Variants in GRM5 observed in about 807,000 individuals in gnomAD.
The protein encoded by GRM5 is metabotropic glutamate receptor 5.
A neutral mutation model predicts 83.1 loss-of-function variants in GRM5; 19 were observed. The ratio of observed to expected loss-of-function variants is 0.23; its 90% CI spans 0.16 to 0.34. The LOEUF (loss-of-function observed/expected upper bound fraction) is 0.34, where lower values mean the gene tolerates loss of function less well. GRM5 is among the 10% of genes least tolerant of loss of function. The pLI, the probability that GRM5 is intolerant of heterozygous loss-of-function variation, is 1.00. For missense variants in GRM5, 1,160 were observed against 1,588.3 expected, an observed-to-expected ratio of 0.73 and a Z score of 4.58; for synonymous variants, 675 against 633.6, an observed-to-expected ratio of 1.07 and a Z score of -0.98.
At chr11:88,811,276 G>T (rs980065556) in intron 3 of GRM5, among the ~76,000 whole-genome samples, 1 of 151,992 alleles carries the variant, frequency 6.6e-6, no homozygotes, top group African/African-American at 2.4e-5. Flanking sequence ...AACACATTTT[G>T]ATAGACTTTG....
chr11:88,625,370 C>T (rs183995781), intron 4 of GRM5, among the ~76,000 whole-genome samples: 3 of 152,252 alleles, frequency 2.0e-5, no homozygotes, highest in East Asian at 3.9e-4. Context: ...AGTACCTCTG[C>T]ACTCTATCAC....
At chr11:88,652,560 C>T (rs1939659890) in intron 4 of GRM5, among the ~76,000 whole-genome samples, 1 of 152,074 alleles carries the variant, frequency 6.6e-6, no homozygotes, top group Admixed American at 6.6e-5. Flanking sequence ...CTAGCTTTCT[C>T]CATCTTGGTA....
chr11:89,020,632 A>G (rs1293213886), intron 2 of GRM5, among the ~76,000 whole-genome samples: 4 of 152,262 alleles, frequency 2.6e-5, no homozygotes, highest in African/African-American at 4.8e-5. Flanking sequence ...TACATGTCCT[A>G]GACACAGAAC....
intron 4 of GRM5, among the ~76,000 whole-genome samples, chr11:88,620,546 A>ATGT (rs1938605398): frequency 6.6e-6 from 1 of 152,208 alleles, no homozygotes. Context: ...AGAGAAATGA[A>ATGT]TGTTGTAATG....
chr11:88,581,161 C>G (rs1943207239), intron 7 of GRM5, among the ~76,000 whole-genome samples: 1 of 152,074 alleles, frequency 6.6e-6, no homozygotes, highest in Non-Finnish European at 1.5e-5. Flanking sequence ...CAGGTTAAAA[C>G]TTTCCCCAAA....
intron 3 of GRM5, among the ~76,000 whole-genome samples, chr11:88,803,754 C>A (rs549871131): frequency 6.6e-6 from 1 of 151,784 alleles, no homozygotes; most frequent in Admixed American, 6.6e-5. Context: ...AGGCAACCTA[C>A]AAAATGGGAG....
chr11:88,977,412 A>T (rs1262661357), intron 2 of GRM5, among the ~76,000 whole-genome samples: 2 of 151,836 alleles, frequency 1.3e-5, no homozygotes, highest in Admixed American at 1.3e-4. Flanking sequence ...GGGGTTTCAC[A>T]GTGCTAGCCA....
chr11:89,018,867 A>G (rs1489634753), intron 2 of GRM5, among the ~76,000 whole-genome samples: 1 of 152,230 alleles, frequency 6.6e-6, no homozygotes, highest in South Asian at 2.1e-4. Flanking sequence ...GAAAGTCCCT[A>G]TATACTGCAT....
rs375051761 is a variant in GRM5, at chr11:88,821,344, C to CAAAAAAAAAAAA, written c.911+28550_911+28561dup. Among the ~76,000 whole-genome samples, 5 of 68,170 alleles carry CAAAAAAAAAAAA rather than the reference C, an allele frequency of 7.3e-5. No homozygotes were observed. In the East Asian group the frequency reaches 1.1e-3, roughly 15 times the overall value. 44.7% of individuals were successfully genotyped at this position (68,170 alleles called of 152,430 possible). A position where few individuals can be genotyped will look rare whatever the true frequency, so the allele number is the denominator to read the frequency against. ...ATCTTTGAACACTTGCTTGAGGGGCCAAAAAAAAAAAAAAAAAAGAAAAAA... is the reference window on the plus strand; with the variant it reads ...ATCTTTGAACACTTGCTTGAGGGGCCAAAAAAAAAAAAAAAAAAAAAAAAAAAAAAGAAAAAA... On this transcript the variant is annotated intron_variant, in intron 3 of 9. Coordinates refer to ENST00000305447, the MANE Select transcript of GRM5 (RefSeq NM_001143831.3).
intron 8 of GRM5, among the ~76,000 whole-genome samples, chr11:88,558,799 C>CAAAA (rs71265014): frequency 4.6e-5 from 1 of 21,904 alleles, no homozygotes; most frequent in African/African-American, 1.3e-4. Flanking sequence ...GACTCCATCT[C>CAAAA]AAAAAAAAAA....
intron 2 of GRM5, among the ~76,000 whole-genome samples, chr11:88,986,179 T>C (rs663903): frequency 0.44 from 66,317 of 151,996 alleles, 16,007 homozygotes; most frequent in South Asian, 0.65. Context: ...AAGAACAACC[T>C]ATTGATACTA....
At position 88,582,667 on chromosome 11, in the gene GRM5, TAAAC is replaced by T. The variant is rs960984975; in HGVS notation, c.1690+7930_1690+7933del. ...ATCAGAAATTTCCTCTAAAGAATCA[TAAAC>T]AAATAATATTTAATAGATGCCAAGA... On this transcript the variant is annotated intron_variant, in intron 7 of 9. Coordinates refer to ENST00000305447, the MANE Select transcript of GRM5 (RefSeq NM_001143831.3). Among the ~76,000 whole-genome samples, 16 of 152,290 alleles carry T rather than the reference TAAAC, an allele frequency of 1.1e-4. 1 individual carries two copies. Among genetic ancestry groups the T allele is most frequent in the Middle Eastern group, 6.8e-3 (2 of 294 alleles).
At chr11:88,985,572 T>C (rs1002437790) in intron 2 of GRM5, among the ~76,000 whole-genome samples, 5 of 152,142 alleles carry the variant, frequency 3.3e-5, no homozygotes, top group Admixed American at 6.5e-5. Context: ...TTAATTAAAA[T>C]GAAGTCCTAA....
intron 4 of GRM5, among the ~76,000 whole-genome samples, chr11:88,625,663 C>A (rs921761096): frequency 4.1e-4 from 63 of 152,242 alleles, no homozygotes; most frequent in Non-Finnish European, 8.8e-4. Context: ...GAAGAACTAC[C>A]TGTTGGCTAC....
At chr11:88,761,863 C>T (rs1429523534) in intron 3 of GRM5, among the ~76,000 whole-genome samples, 1 of 140,626 alleles carries the variant, frequency 7.1e-6, no homozygotes, top group Non-Finnish European at 1.6e-5. Context: ...CATAGATCAA[C>T]AGAACATAAT....
rs1220114894 is a variant in GRM5, at chr11:88,648,217, G to A, written c.1147+4951C>T. ...ACACATGCACACGTATGTTTATTGCGGCATTATTCACAATAGCAAAGACTT... is the reference window on the plus strand; with the variant it reads ...ACACATGCACACGTATGTTTATTGCAGCATTATTCACAATAGCAAAGACTT... On this transcript the variant is annotated intron_variant, in intron 4 of 9. Coordinates refer to ENST00000305447, the MANE Select transcript of GRM5 (RefSeq NM_001143831.3). 3.5e-4 allele frequency among the ~76,000 whole-genome samples: 53 copies of A among 149,942 alleles called. 1 individual carries two copies. Among genetic ancestry groups the A allele is most frequent in the Middle Eastern group, 3.4e-3 (1 of 292 alleles).
At chr11:88,896,213 T>G (rs1945226102) in intron 2 of GRM5, among the ~76,000 whole-genome samples, 1 of 151,846 alleles carries the variant, frequency 6.6e-6, no homozygotes, top group Admixed American at 6.6e-5. Context: ...TTTGCCTGTT[T>G]CCAACACTTG....
chr11:88,602,262 A>G (rs888141758), intron 5 of GRM5, among the ~76,000 whole-genome samples: 1 of 152,168 alleles, frequency 6.6e-6, no homozygotes, highest in Non-Finnish European at 1.5e-5. Flanking sequence ...ATATTATGTT[A>G]GGGGCATTAT....
At chr11:88,877,832 A>AAG (rs964532894) in intron 2 of GRM5, among the ~76,000 whole-genome samples, 1 of 142,306 alleles carries the variant, frequency 7.0e-6, no homozygotes, top group African/African-American at 2.5e-5. Flanking sequence ...TGTGGAAGAA[A>AAG]AAAAAAAAAG....
Sources: allele counts gnomAD v4.1 joint callset (sites outside exome capture counted in the v4.1 genomes callset), GRCh38; gene constraint gnomAD v4.1.1; transcripts MANE v1.5; gene names NCBI Gene and HGNC (gene_info 2026-07-23, HGNC 2026-07-21).